Variants in DSCAM observed in about 807,000 individuals in gnomAD.
DSCAM encodes cell adhesion molecule DSCAM.
A neutral mutation model predicts 217.7 loss-of-function variants in DSCAM; 47 were observed. That is an observed-to-expected ratio of 0.22 (90% CI 0.17 to 0.28). The LOEUF (loss-of-function observed/expected upper bound fraction) is 0.28. Ranked by LOEUF, DSCAM falls within the 10% of genes least tolerant of loss-of-function variation. DSCAM has a pLI of 1.00. For synonymous variants in DSCAM, 1,056 were observed against 1,015.3 expected (o/e 1.04, Z -0.76); for missense variants, 2,080 against 2,618.3 (o/e 0.79, Z 4.49).
At chr21:40,413,170 C>T (rs779852466) in intron 3 of DSCAM, among the ~76,000 whole-genome samples, 6 of 152,206 alleles carry the variant, frequency 3.9e-5, no homozygotes, top group South Asian at 2.1e-4. Flanking sequence ...ACCTCTGCTA[C>T]GGCAGTGCAG....
At chr21:40,142,457 C>T (rs2090303350) in intron 18 of DSCAM, 101 bp downstream of exon 18, 2 of 1,323,556 alleles carry the variant, frequency 1.5e-6, no homozygotes, top group African/African-American at 1.5e-5. Flanking sequence ...AAAGAGGTGC[C>T]CGCCATATCC....
At chr21:40,509,073 T>A (rs768412885) in intron 3 of DSCAM, among the ~76,000 whole-genome samples, 9 of 152,056 alleles carry the variant, frequency 5.9e-5, no homozygotes, top group African/African-American at 2.2e-4. Flanking sequence ...AACACAAAGT[T>A]ATTGTTGTTT....
chr21:40,327,121 C>A (rs2074326313), intron 8 of DSCAM, among the ~76,000 whole-genome samples: 1 of 152,048 alleles, frequency 6.6e-6, no homozygotes, highest in African/African-American at 2.4e-5. Flanking sequence ...TTATTTCTGA[C>A]TTAAAATGTC....
At chr21:40,635,982 C>T (rs2089753351) in intron 3 of DSCAM, among the ~76,000 whole-genome samples, 1 of 152,082 alleles carries the variant, frequency 6.6e-6, no homozygotes, top group Non-Finnish European at 1.5e-5. Flanking sequence ...AACACGCAGG[C>T]AAAATGAATT....
chr21:40,381,595 A>G (rs577197672), intron 3 of DSCAM, among the ~76,000 whole-genome samples: 94 of 152,346 alleles, frequency 6.2e-4, no homozygotes, highest in Non-Finnish European at 1.2e-3. Flanking sequence ...AAGGAATTTA[A>G]GACACTGGGC....
intron 3 of DSCAM, among the ~76,000 whole-genome samples, chr21:40,679,595 G>A (rs935899156): frequency 6.6e-6 from 1 of 152,158 alleles, no homozygotes; most frequent in African/African-American, 2.4e-5. Context: ...TGTGCTACAA[G>A]TATTTTAATG....
At chr21:40,568,938 A>G (rs1163027891) in intron 3 of DSCAM, among the ~76,000 whole-genome samples, 3 of 152,186 alleles carry the variant, frequency 2.0e-5, no homozygotes, top group Non-Finnish European at 4.4e-5. Context: ...CATGGGCCTC[A>G]GCATCTCCAG....
At chr21:40,536,497 G>A (rs990084294) in intron 3 of DSCAM, among the ~76,000 whole-genome samples, 1 of 151,610 alleles carries the variant, frequency 6.6e-6, no homozygotes, top group Non-Finnish European at 1.5e-5. Context: ...CGCCTCCCGG[G>A]TTCACGCCAT....
chr21:40,760,137 G>A (rs944448883), intron 1 of DSCAM, among the ~76,000 whole-genome samples: 1 of 151,834 alleles, frequency 6.6e-6, no homozygotes, highest in African/African-American at 2.4e-5. Context: ...GGGACTACAG[G>A]TGCATGCCAC....
At chr21:40,379,000 T>C (rs1356040293) in intron 3 of DSCAM, among the ~76,000 whole-genome samples, 1 of 152,182 alleles carries the variant, frequency 6.6e-6, no homozygotes. Context: ...GTAAGGTATA[T>C]GTACACATAC....
chr21:40,516,904 T>C (rs78410787), intron 3 of DSCAM, among the ~76,000 whole-genome samples: 40 of 144,200 alleles, frequency 2.8e-4, no homozygotes, highest in African/African-American at 7.6e-4. Context: ...TATATATATA[T>C]ATACACACAC....
chr21:40,211,223 A>G (rs2091180691), intron 11 of DSCAM, among the ~76,000 whole-genome samples: 1 of 152,258 alleles, frequency 6.6e-6, no homozygotes, highest in Non-Finnish European at 1.5e-5. Flanking sequence ...GAATAGCAGC[A>G]TTCCAAACTA....
chr21:40,622,265 C>T (rs191063184), intron 3 of DSCAM, among the ~76,000 whole-genome samples: 21 of 128,520 alleles, frequency 1.6e-4, no homozygotes, highest in Non-Finnish European at 3.1e-4. Context: ...TTTGAGTGTC[C>T]GCCCCACTGT....
chr21:40,317,743 G>C (rs1423070203), intron 8 of DSCAM, among the ~76,000 whole-genome samples: 2 of 152,068 alleles, frequency 1.3e-5, no homozygotes, highest in Non-Finnish European at 2.9e-5. Context: ...ATGTTGGCCA[G>C]GCTGGTCTCG....
At chr21:40,547,304 T>C (rs2076591349) in intron 3 of DSCAM, among the ~76,000 whole-genome samples, 1 of 152,170 alleles carries the variant, frequency 6.6e-6, no homozygotes, top group African/African-American at 2.4e-5. Context: ...TTAATTCTGG[T>C]GACTGAGGGA....
intron 20 of DSCAM, among the ~76,000 whole-genome samples, chr21:40,095,366 T>C (rs963720710): frequency 3.3e-5 from 5 of 152,154 alleles, no homozygotes; most frequent in African/African-American, 1.2e-4. Flanking sequence ...TATGAGATAA[T>C]AGAAAGGAAT....
rs1479880775 is a variant in DSCAM, at chr21:40,113,058, T to G, written c.3696+11137A>C. Among the ~76,000 whole-genome samples the G allele has an allele frequency of 2.0e-5, 3 of 152,118 alleles. No individual in the cohort carries two copies. The South Asian group carries it at 6.2e-4, about 32-fold the overall frequency. ...AGAAAAAGAGGAAATCCTCCCTAAC[T>G]CATTTTATGAGGCCAGCATCATCCT... On this transcript the variant is annotated intron_variant, in intron 20 of 32. Transcript: ENST00000400454.
chr21:40,828,690 C>T (rs900039436), intron 1 of DSCAM, among the ~76,000 whole-genome samples: 4 of 145,726 alleles, frequency 2.7e-5, no homozygotes, highest in African/African-American at 7.6e-5. Flanking sequence ...CAGTCTCACT[C>T]TGTCACCCAG....
chr21:40,178,328 A>G (rs2090755688), intron 15 of DSCAM, among the ~76,000 whole-genome samples: 1 of 152,206 alleles, frequency 6.6e-6, no homozygotes, highest in African/African-American at 2.4e-5. Flanking sequence ...GTTAGCTCTC[A>G]GTGGGAAAAT....
Sources: gnomAD v4.1 joint callset for allele counts (sites outside exome capture counted in the v4.1 genomes callset) on GRCh38, gnomAD v4.1.1 for gene constraint, MANE v1.5 for transcripts, NCBI Gene and HGNC (gene_info 2026-07-23, HGNC 2026-07-21) for gene names.